The following TLN2 variants were observed in gnomAD, a reference collection of about 807,000 sequenced individuals.
TLN2 encodes talin 2.
A neutral mutation model predicts 294.7 loss-of-function variants in TLN2; 118 were observed. The observed-to-expected ratio is 0.40, with a 90% confidence interval of 0.34 to 0.47. The LOEUF is 0.47. TLN2 is among the 20% of genes least tolerant of loss of function. The probability of loss-of-function intolerance (pLI) is 0.84; values close to 1 mark genes in which losing one functional copy is unlikely to be tolerated. For synonymous variants in TLN2, 1,431 were observed against 1,304.5 expected, an observed-to-expected ratio of 1.10 and a Z score of -2.09; for missense variants, 3,083 against 3,282.2, an observed-to-expected ratio of 0.94 and a Z score of 1.48.
intron 27 of TLN2, among the ~76,000 whole-genome samples, chr15:62,726,592 G>A (rs2060453999): frequency 6.6e-6 from 1 of 152,090 alleles, no homozygotes; most frequent in Non-Finnish European, 1.5e-5. Context: ...ACTCCTCAAA[G>A]TATAATGATC....
chr15:62,480,378 T>C (rs948637746), intron 1 of TLN2, among the ~76,000 whole-genome samples: 6 of 152,094 alleles, frequency 3.9e-5, no homozygotes, highest in Non-Finnish European at 8.8e-5. Flanking sequence ...CATGCCTGGC[T>C]AATTTTTGTA....
intron 1 of TLN2, among the ~76,000 whole-genome samples, chr15:62,433,171 C>A (rs2035101176): frequency 6.6e-6 from 1 of 152,158 alleles, no homozygotes; most frequent in Non-Finnish European, 1.5e-5. Context: ...AAGAAGACTG[C>A]AGCCCTGACA....
At chr15:62,676,243 G>A (rs78856659) in intron 11 of TLN2, among the ~76,000 whole-genome samples, 1,557 of 152,308 alleles carry the variant, frequency 0.01, 33 homozygotes, top group African/African-American at 0.035. Flanking sequence ...GGAGCAAGCT[G>A]CCTCATTTGG....
chr15:62,767,488 T>C (rs967019389), intron 41 of TLN2, among the ~76,000 whole-genome samples: 10 of 152,094 alleles, frequency 6.6e-5, no homozygotes, highest in African/African-American at 1.2e-4. Flanking sequence ...ATTATAGGCA[T>C]GCACCACCAT....
chr15:62,720,476 A>G (rs1346400566), intron 25 of TLN2, among the ~76,000 whole-genome samples: 2 of 152,222 alleles, frequency 1.3e-5, no homozygotes, highest in Non-Finnish European at 2.9e-5. Context: ...AGCAGTTGAT[A>G]TTATGAGGTG....
intron 1 of TLN2, among the ~76,000 whole-genome samples, chr15:62,557,505 C>A (rs189274844): frequency 2.4e-4 from 37 of 152,300 alleles, no homozygotes; most frequent in Admixed American, 1.7e-3. Context: ...AGAGTTAAAG[C>A]CAAAGGCTTA....
chr15:62,544,955 A>T (rs1241579104), intron 1 of TLN2, among the ~76,000 whole-genome samples: 2 of 150,814 alleles, frequency 1.3e-5, no homozygotes, highest in Non-Finnish European at 2.9e-5. Flanking sequence ...TTTGAGACGG[A>T]GTCTCGCTCT....
Position 62,738,226 on chromosome 15 carries a change from G to A in TLN2, c.3580G>A (p.Val1194Ile), listed in dbSNP as rs369431778. Residue 1194 changes from valine (V) to isoleucine (I), a missense_variant, in exon 30 of 59, where the codon GTC (valine) becomes ATC (isoleucine). Coordinates refer to ENST00000636159, the MANE Select transcript of TLN2 (RefSeq NM_015059.3). ...QQRLAQVAKAVSHSLNNCVNC... is the reference protein window; with the variant it reads ...QQRLAQVAKAISHSLNNCVNC... ...TCCACGAATTCAGGTGGCTAAAGCC[G>A]TCTCACACTCCTTGAATAACTGCGT... 38 of 1,613,704 alleles carry A rather than the reference G, an allele frequency of 2.4e-5. No homozygotes were observed. The highest frequency in any genetic ancestry group is 5.0e-5 in the Admixed American group (3 of 59,996).
intron 1 of TLN2, among the ~76,000 whole-genome samples, chr15:62,437,748 TGG>T (rs56340210): frequency 1.8e-4 from 22 of 125,154 alleles, no homozygotes; most frequent in East Asian, 4.4e-4. Context: ...AAAAACACCA[TGG>T]GGGTGTGTGT....
chr15:62,677,209 C>T (rs2056311612), intron 11 of TLN2, among the ~76,000 whole-genome samples: 1 of 152,214 alleles, frequency 6.6e-6, no homozygotes, highest in Admixed American at 6.5e-5. Flanking sequence ...AGATGAGCTC[C>T]AATGCCTTGC....
chr15:62,673,304 A>G (rs958235138), intron 9 of TLN2, among the ~76,000 whole-genome samples: 3 of 9,846 alleles, frequency 3.0e-4, no homozygotes, highest in Non-Finnish European at 4.5e-4. Context: ...AGATTTTTAG[A>G]TGTTGCTTTT....
chr15:62,780,646 A>G (rs571298943), intron 43 of TLN2, among the ~76,000 whole-genome samples: 18 of 152,192 alleles, frequency 1.2e-4, no homozygotes, highest in African/African-American at 2.4e-4. Flanking sequence ...AATTCCTTCT[A>G]TTCCCCGATT....
chr15:62,703,658 G>A (rs1219240733), intron 19 of TLN2, among the ~76,000 whole-genome samples: 1 of 145,870 alleles, frequency 6.9e-6, no homozygotes, highest in Non-Finnish European at 1.5e-5. Flanking sequence ...CACAGAGAAA[G>A]AGAGAGAGAA....
intron 1 of TLN2, among the ~76,000 whole-genome samples, chr15:62,419,682 C>T (rs531974568): frequency 3.2e-4 from 48 of 151,976 alleles, no homozygotes; most frequent in African/African-American, 1.1e-3. Context: ...CAGTCTTCCT[C>T]TGTCACCCAG....
At chr15:62,756,165 A>C (rs1252474221) in intron 37 of TLN2, among the ~76,000 whole-genome samples, 1 of 152,188 alleles carries the variant, frequency 6.6e-6, no homozygotes, top group African/African-American at 2.4e-5. Flanking sequence ...ATCACTTAAA[A>C]CATTTTCATC....
At chr15:62,409,562 A>T (rs1179598925) in intron 1 of TLN2, among the ~76,000 whole-genome samples, 12 of 152,230 alleles carry the variant, frequency 7.9e-5, no homozygotes, top group Admixed American at 7.9e-4. Flanking sequence ...CCTTTTAAAA[A>T]GTTACATTCA....
chr15:62,784,011 T>C (rs1442766771), intron 45 of TLN2, 121 bp downstream of exon 45: 2 of 1,524,078 alleles, frequency 1.3e-6, no homozygotes, highest in East Asian at 2.3e-5. Context: ...GAGCCCAGTT[T>C]ATTTCCCCAC....
chr15:62,566,428 A>C (rs2043398430), intron 1 of TLN2, among the ~76,000 whole-genome samples: 1 of 152,078 alleles, frequency 6.6e-6, no homozygotes, highest in Non-Finnish European at 1.5e-5. Flanking sequence ...CGTGTGTAAG[A>C]ACACTGAGGT....
rs756408224 is a variant in TLN2, at chr15:62,717,600, G to A, written c.2788G>A (p.Ala930Thr). 2 of 1,588,298 alleles carry A rather than the reference G, an allele frequency of 1.3e-6. No individual in the cohort carries two copies. The highest frequency in any genetic ancestry group is 1.9e-5 in the Admixed American group (1 of 53,914). The change falls in exon 24 of 59, where the codon GCA becomes ACA. Residue 930 changes from alanine (A) to threonine (T), a missense_variant. Physicochemically the swap from Ala to Thr is moderately conservative, Grantham distance 58 (BLOSUM62 0). Coordinates refer to ENST00000636159, the MANE Select transcript of TLN2 (RefSeq NM_015059.3). ...GGTTGCAGCCAAGCAGGCCGCAGCG[G>A]CAGCCACACAGACCATCGCCGCCTC... Reference protein sequence around the residue: ...LEVAAKQAAAAATQTIAASQN... With the variant: ...LEVAAKQAAATATQTIAASQN...
Sources: allele counts gnomAD v4.1 joint callset (sites outside exome capture counted in the v4.1 genomes callset), GRCh38; gene constraint gnomAD v4.1.1; transcripts MANE v1.5; gene names NCBI Gene and HGNC (gene_info 2026-07-23, HGNC 2026-07-21).